THSD7B: variants seen among roughly 807,000 people sequenced by gnomAD.
The protein encoded by THSD7B is thrombospondin type-1 domain-containing protein 7B.
A neutral mutation model predicts 213.6 loss-of-function variants in THSD7B; 138 were observed. The observed-to-expected ratio is 0.65, with a 90% CI of 0.56 to 0.74. The LOEUF is 0.74. THSD7B is among the 30% of genes least tolerant of loss of function. The probability of loss-of-function intolerance (pLI) is 0.00; values close to 1 mark genes in which losing one functional copy is unlikely to be tolerated. For missense variants in THSD7B, 1,931 were observed against 1,991.5 expected (o/e 0.97, Z 0.58); for synonymous variants, 742 against 687.0 (o/e 1.08, Z -1.25).
intron 1 of THSD7B, among the ~76,000 whole-genome samples, chr2:136,874,137 T>G (rs1683487724): frequency 6.6e-6 from 1 of 151,854 alleles, no homozygotes; most frequent in Non-Finnish European, 1.5e-5. Flanking sequence ...AAAAAATGCT[T>G]GTGTTGATAT....
chr2:137,032,987 A>G (rs772515751), intron 2 of THSD7B, among the ~76,000 whole-genome samples: 1 of 152,148 alleles, frequency 6.6e-6, no homozygotes, highest in Non-Finnish European at 1.5e-5. Flanking sequence ...AAACATCTTT[A>G]TGTTTATCTG....
chr2:137,483,835 G>A (rs904429812), intron 15 of THSD7B, among the ~76,000 whole-genome samples: 6 of 152,012 alleles, frequency 3.9e-5, no homozygotes, highest in Admixed American at 2.6e-4. Context: ...GAATCATTTC[G>A]GAGACAGAAT....
chr2:137,504,990 A>C (rs1280624990), intron 15 of THSD7B, among the ~76,000 whole-genome samples: 2 of 151,940 alleles, frequency 1.3e-5, no homozygotes, highest in Admixed American at 6.6e-5. Context: ...GGAATGGAGG[A>C]AAGCAGGAAG....
intron 15 of THSD7B, among the ~76,000 whole-genome samples, chr2:137,552,845 A>T (rs1680877318): frequency 6.6e-6 from 1 of 152,188 alleles, no homozygotes; most frequent in South Asian, 2.1e-4. Flanking sequence ...GGTAAATTGG[A>T]GGAGAGTATA....
intron 15 of THSD7B, among the ~76,000 whole-genome samples, chr2:137,500,170 A>T (rs1308094093): frequency 6.6e-6 from 1 of 152,154 alleles, no homozygotes; most frequent in African/African-American, 2.4e-5. Flanking sequence ...TGACCTAATT[A>T]AAATACCCAC....
chr2:137,600,749 C>CA (rs912650648), intron 17 of THSD7B, among the ~76,000 whole-genome samples: 2 of 151,956 alleles, frequency 1.3e-5, no homozygotes, highest in Non-Finnish European at 1.5e-5. Flanking sequence ...CAAAACAAAA[C>CA]AAAAAAACAA....
chr2:137,496,137 G>T (rs773082370), intron 15 of THSD7B, among the ~76,000 whole-genome samples: 3 of 152,092 alleles, frequency 2.0e-5, no homozygotes, highest in Non-Finnish European at 4.4e-5. Context: ...TTGAAATTCT[G>T]CAAGTAGAGA....
intron 2 of THSD7B, among the ~76,000 whole-genome samples, chr2:136,971,579 GA>G (rs1685404348): frequency 6.8e-6 from 1 of 147,808 alleles, no homozygotes; most frequent in African/African-American, 2.5e-5. Flanking sequence ...GCTTATCACT[GA>G]AAAAAACTTA....
intron 20 of THSD7B, among the ~76,000 whole-genome samples, chr2:137,627,421 G>A (rs1486954268): frequency 6.6e-6 from 1 of 152,186 alleles, no homozygotes; most frequent in East Asian, 1.9e-4. Context: ...TCATCATTGG[G>A]AAGGGAGGAT....
intron 3 of THSD7B, among the ~76,000 whole-genome samples, chr2:137,091,188 T>C (rs1293735585): frequency 1.3e-5 from 2 of 152,200 alleles, no homozygotes; most frequent in African/African-American, 2.4e-5. Flanking sequence ...TCCCTGCACA[T>C]GCTCTTACTG....
At chr2:137,357,765 A>C (rs949502429) in intron 12 of THSD7B, among the ~76,000 whole-genome samples, 1 of 152,182 alleles carries the variant, frequency 6.6e-6, no homozygotes, top group Non-Finnish European at 1.5e-5. Context: ...ACATTGATTA[A>C]CAGTGCTATA....
intron 2 of THSD7B, among the ~76,000 whole-genome samples, chr2:136,942,416 A>G (rs6755044): frequency 0.41 from 61,897 of 151,944 alleles, 14,802 homozygotes; most frequent in Non-Finnish European, 0.55. Flanking sequence ...TGGGGATGGC[A>G]TTGAATCTAT....
intron 15 of THSD7B, among the ~76,000 whole-genome samples, chr2:137,468,316 C>T (rs1463990640): frequency 6.6e-6 from 1 of 152,072 alleles, no homozygotes; most frequent in Non-Finnish European, 1.5e-5. Flanking sequence ...AGGGATGATA[C>T]ATTCAGAAGA....
At chr2:137,308,564 G>T (rs1405653622) in intron 12 of THSD7B, among the ~76,000 whole-genome samples, 1 of 151,856 alleles carries the variant, frequency 6.6e-6, no homozygotes, top group East Asian at 1.9e-4. Flanking sequence ...CAAGTTATAG[G>T]TATTGAACAA....
intron 3 of THSD7B, among the ~76,000 whole-genome samples, chr2:137,070,868 T>TCTGTCCCTACAAAGGAC (rs1553468503): frequency 1.3e-5 from 2 of 151,984 alleles, no homozygotes; most frequent in Admixed American, 1.3e-4. Context: ...CAGTTTCATC[T>TCTGTCCCTACAAAGGAC]ATGTCCCTAC....
intron 15 of THSD7B, among the ~76,000 whole-genome samples, chr2:137,548,069 C>T (rs377437507): frequency 3.3e-5 from 5 of 151,840 alleles, no homozygotes; most frequent in East Asian, 1.9e-4. Context: ...CCAAGGAAGC[C>T]GACATAAGAT....
At chr2:136,923,053 C>T (rs560588551) in intron 2 of THSD7B, among the ~76,000 whole-genome samples, 4 of 152,266 alleles carry the variant, frequency 2.6e-5, no homozygotes, top group East Asian at 3.9e-4. Context: ...CAACAGATCT[C>T]CAGAACATTT....
At position 137,663,371 on chromosome 2, in the gene THSD7B, T is replaced by C. The variant is rs1341742387; in HGVS notation, c.4459-12T>C. The C allele has an allele frequency of 4.6e-6, 7 of 1,532,970 alleles. No homozygotes were observed. The highest frequency in any genetic ancestry group is 6.1e-6 in the Non-Finnish European group (7 of 1,141,080). The allele number at this position is 1,532,970 out of a possible 1,614,324, so 95.0% of individuals were successfully genotyped here. On this transcript the variant is annotated splice_polypyrimidine_tract_variant and intron_variant, in intron 25 of 27. Coordinates refer to ENST00000409968, the MANE Select transcript of THSD7B (RefSeq NM_001316349.2). Reference sequence around the variant, plus strand: ...TCACTGTGTAACCATAAAAATATTCTTTATGCTGTAGGGTGGAGTCTGTGG... The same window carrying C: ...TCACTGTGTAACCATAAAAATATTCCTTATGCTGTAGGGTGGAGTCTGTGG...
At chr2:136,975,044 G>GTT (rs144154932) in intron 2 of THSD7B, among the ~76,000 whole-genome samples, 3 of 134,836 alleles carry the variant, frequency 2.2e-5, no homozygotes, top group Non-Finnish European at 3.2e-5. Flanking sequence ...TTAATGGTTT[G>GTT]TTTTTTTTTT....
Sources: gnomAD v4.1 joint callset for allele counts (sites outside exome capture counted in the v4.1 genomes callset) on GRCh38, gnomAD v4.1.1 for gene constraint, MANE v1.5 for transcripts, NCBI Gene and HGNC (gene_info 2026-07-23, HGNC 2026-07-21) for gene names.